The following PARP16 variants were observed in gnomAD, a reference collection of about 807,000 sequenced individuals.
PARP16 encodes the protein protein mono-ADP-ribosyltransferase PARP16.
In PARP16, 31 loss-of-function variants were observed where a neutral mutation model predicts 35.0. The observed-to-expected ratio is 0.88, with a 90% CI of 0.66 to 1.19. The LOEUF is 1.19. Ranked by LOEUF, PARP16 falls within the 50% of genes most tolerant of loss-of-function variation. The pLI, the probability that PARP16 is intolerant of heterozygous loss-of-function variation, is 0.00. For synonymous variants in PARP16, 162 were observed against 169.5 expected, an observed-to-expected ratio of 0.96 and a Z score of 0.34; for missense variants, 424 against 411.2, an observed-to-expected ratio of 1.03 and a Z score of -0.27.
intron 3 of PARP16, among the ~76,000 whole-genome samples, chr15:65,266,302 A>G (rs998058003): frequency 3.3e-5 from 5 of 151,952 alleles, no homozygotes; most frequent in African/African-American, 1.2e-4. Flanking sequence ...AACTATAACC[A>G]GTGCAGGAAT....
At chr15:65,274,254 T>TTC (rs1455879994) in intron 1 of PARP16, among the ~76,000 whole-genome samples, 1 of 151,636 alleles carries the variant, frequency 6.6e-6, no homozygotes, top group Non-Finnish European at 1.5e-5. Context: ...TACTTTTTTT[T>TTC]TTTTTTTTGA....
At chr15:65,239,694 T>C (rs1479650362) in intron 3 of PARP16, among the ~76,000 whole-genome samples, 2 of 149,114 alleles carry the variant, frequency 1.3e-5, no homozygotes, top group African/African-American at 2.5e-5. Flanking sequence ...TCTTGCTCTG[T>C]CGCCCAGGCT....
intron 2 of PARP16, among the ~76,000 whole-genome samples, chr15:65,249,095 C>T (rs1057299783): frequency 2.0e-5 from 3 of 152,220 alleles, no homozygotes; most frequent in Non-Finnish European, 4.4e-5. Flanking sequence ...GACGAAAACA[C>T]TCCTGCTTCT....
chr15:65,282,997 C>T (rs762425419), intron 1 of PARP16, among the ~76,000 whole-genome samples: 1 of 152,142 alleles, frequency 6.6e-6, no homozygotes, highest in Non-Finnish European at 1.5e-5. Flanking sequence ...TTTTAAAAAG[C>T]ATGATCAAAA....
At position 65,248,010 on chromosome 15, in the gene PARP16, T is replaced by C. The variant is rs970074621; in HGVS notation, c.*97+107A>G. 5 of 358,108 alleles carry C rather than the reference T, an allele frequency of 1.4e-5. No homozygotes were observed. In the Admixed American group the frequency reaches 1.8e-4, roughly 13 times the overall value. The allele number at this position is 358,108 out of a possible 1,614,324, so 22.2% of individuals were successfully genotyped here. On this transcript the variant is annotated intron_variant and NMD_transcript_variant, in intron 3 of 3. Coordinates refer to the PARP16 transcript ENST00000559805. ...TAGTAGAGGTGGGGTTTCACCGTGT[T>C]AGCCAGGATGGTCTCGATCTCCTGA...
At chr15:65,275,264 T>C (rs543252213) in intron 1 of PARP16, among the ~76,000 whole-genome samples, 26 of 152,296 alleles carry the variant, frequency 1.7e-4, no homozygotes, top group African/African-American at 6.3e-4. Flanking sequence ...GATCTGGGTT[T>C]GCTATATGAA....
intron 1 of PARP16, among the ~76,000 whole-genome samples, chr15:65,283,448 T>C (rs2090481333): frequency 6.6e-6 from 1 of 152,132 alleles, no homozygotes; most frequent in African/African-American, 2.4e-5. Flanking sequence ...TGTGTAGCCT[T>C]GCATGCTCCA....
At position 65,286,845 on chromosome 15, in the gene PARP16, T is replaced by G. The variant is rs2090616337; in HGVS notation, c.-419A>C. On this transcript the variant is annotated 5_prime_UTR_variant, in exon 1 of 6. Coordinates refer to ENST00000649807, the MANE Select transcript of PARP16 (RefSeq NM_001316943.2). The stretch of plus-strand genomic sequence containing the variant: ...GGGGGACGGCGGGCAGAGCCCACTC[T>G]CCGCGACGGGCGAGGCTGCTGCGCC... 6.0e-6 allele frequency: 1 copy of G among 166,496 alleles called. No individual in the cohort carries two copies. Among genetic ancestry groups the G allele is most frequent in the Non-Finnish European group, 1.3e-5 (1 of 77,888 alleles). The allele number at this position is 166,496 out of a possible 1,614,324, so 10.3% of individuals were successfully genotyped here. A position where few individuals can be genotyped will look rare whatever the true frequency, so the allele number is the denominator to read the frequency against.
chr15:65,263,616 C>A (rs895294480), intron 3 of PARP16, among the ~76,000 whole-genome samples: 12 of 152,174 alleles, frequency 7.9e-5, no homozygotes, highest in African/African-American at 2.7e-4. Context: ...AGCATCCAAA[C>A]CAACCTCGGT....
At chr15:65,245,208 C>T (rs1156843478) in intron 3 of PARP16, among the ~76,000 whole-genome samples, 3 of 152,220 alleles carry the variant, frequency 2.0e-5, no homozygotes, top group Non-Finnish European at 4.4e-5. Flanking sequence ...GGGGGAGGCA[C>T]AGAGAGGGCT....
chr15:65,286,355 G>T lies in PARP16; in HGVS notation c.72C>A (p.Cys24Ter). 6.3e-7 allele frequency: 1 copy of T among 1,589,830 alleles called. No homozygotes were observed. The change falls in exon 1 of 6, where the codon TGC becomes TGA. Residue 24 changes from cysteine (C) to a stop codon, truncating the protein, a stop_gained. Transcript: ENST00000649807. LOFTEE classifies it high-confidence loss of function. The part of the protein sequence containing the change: ...GRDMLAADLR[C>*]SLFASALQSY... ...TCTGCAGGGCCGAGGCGAAGAGGCTGCACCGGAGGTCGGCGGCCAGCATGT... is the reference window on the plus strand; with the variant it reads ...TCTGCAGGGCCGAGGCGAAGAGGCTTCACCGGAGGTCGGCGGCCAGCATGT...
rs1395793411 is a variant in PARP16, at chr15:65,258,550, C to G, written c.*857G>C. On this transcript the variant is annotated 3_prime_UTR_variant, in exon 6 of 6. Coordinates refer to ENST00000649807, the MANE Select transcript of PARP16 (RefSeq NM_001316943.2). ...GCGAGCCTATAGCTCAAATCCCTTT[C>G]TCTAAAACACAGCCAGAAAAGAGGC... The G allele has an allele frequency of 6.6e-6, 1 of 152,410 alleles. No homozygotes were observed. The highest frequency in any genetic ancestry group is 1.5e-5 in the Non-Finnish European group (1 of 68,034). 9.4% of individuals were successfully genotyped at this position (152,410 alleles called of 1,614,324 possible).
chr15:65,245,913 T>C (rs74020296), intron 3 of PARP16, among the ~76,000 whole-genome samples: 3,614 of 152,222 alleles, frequency 0.024, 121 homozygotes, highest in African/African-American at 0.077. Context: ...AAATTCCTAG[T>C]TCTGGCCCCA....
intron 3 of PARP16, among the ~76,000 whole-genome samples, chr15:65,265,173 A>T (rs191104930): frequency 1.8e-3 from 273 of 152,372 alleles, no homozygotes; most frequent in African/African-American, 6.2e-3. Flanking sequence ...TCATGGAGCC[A>T]GCTCCTCACA....
intron 3 of PARP16, among the ~76,000 whole-genome samples, chr15:65,265,979 A>G (rs1037188000): frequency 6.6e-6 from 1 of 152,110 alleles, no homozygotes; most frequent in Non-Finnish European, 1.5e-5. Flanking sequence ...CCTAGGCTGG[A>G]GTGCAATGGC....
chr15:65,244,512 A>G (rs1174219449), intron 3 of PARP16, among the ~76,000 whole-genome samples: 1 of 151,814 alleles, frequency 6.6e-6, no homozygotes, highest in Non-Finnish European at 1.5e-5. Flanking sequence ...AGACTTATTC[A>G]CTGTCATGAG....
chr15:65,283,050 C>A (rs1360187954), intron 1 of PARP16, among the ~76,000 whole-genome samples: 1 of 152,176 alleles, frequency 6.6e-6, no homozygotes, highest in African/African-American at 2.4e-5. Context: ...ATTCACCAAA[C>A]AAACCTGATT....
downstream of PARP16, among the ~76,000 whole-genome samples, chr15:65,257,624 T>A (rs1357217979): frequency 1.9e-5 from 2 of 103,678 alleles, no homozygotes; most frequent in Non-Finnish European, 3.9e-5. Context: ...AGCAAGACTC[T>A]GTCTCAAAAA....
chr15:65,236,526 T>C (rs2088882058), intron 3 of PARP16, among the ~76,000 whole-genome samples: 1 of 152,220 alleles, frequency 6.6e-6, no homozygotes, highest in Admixed American at 6.5e-5. Context: ...GCCAAGGCCC[T>C]AGAGTAGGAG....
Sources: allele counts gnomAD v4.1 joint callset (sites outside exome capture counted in the v4.1 genomes callset), GRCh38; gene constraint gnomAD v4.1.1; transcripts MANE v1.5; gene names NCBI Gene and HGNC (gene_info 2026-07-23, HGNC 2026-07-21).